Variants in NXPE2 observed in about 807,000 individuals in gnomAD.
NXPE2 encodes neurexophilin and PC-esterase domain family member 2, also known as NXPE family member 2.
Under a neutral mutation model 34.4 loss-of-function variants are expected in NXPE2, and 34 were observed. That is an observed-to-expected ratio of 0.99 (90% CI 0.75 to 1.31). The LOEUF (loss-of-function observed/expected upper bound fraction) is 1.31, where lower values mean the gene tolerates loss of function less well. Ranked by LOEUF, NXPE2 falls within the 40% of genes most tolerant of loss-of-function variation. The probability of loss-of-function intolerance (pLI) is 0.00; values close to 1 mark genes in which losing one functional copy is unlikely to be tolerated. For missense variants in NXPE2, 649 were observed against 672.5 expected, an observed-to-expected ratio of 0.97 and a Z score of 0.39; for synonymous variants, 235 against 231.3, an observed-to-expected ratio of 1.02 and a Z score of -0.15.
intron 2 of NXPE2, among the ~76,000 whole-genome samples, chr11:114,697,235 A>G (rs1405338015): frequency 5.9e-5 from 9 of 152,206 alleles, no homozygotes; most frequent in Admixed American, 5.2e-4. Flanking sequence ...TCCTAAATCC[A>G]GTCACAACTG....
At chr11:114,483,561 T>C in the NXPE2 span, among the ~76,000 whole-genome samples, 3 of 152,188 alleles carry the variant, frequency 2.0e-5, no homozygotes, top group Admixed American at 1.3e-4. Flanking sequence ...GAAAAACACA[T>C]AGAGTTAAAA....
chr11:114,626,118 C>G, the NXPE2 span, among the ~76,000 whole-genome samples: 1 of 152,118 alleles, frequency 6.6e-6, no homozygotes, highest in Non-Finnish European at 1.5e-5. Flanking sequence ...CGCCATTGCC[C>G]AGGCTTGCTT....
the NXPE2 span, among the ~76,000 whole-genome samples, chr11:114,558,322 T>C: frequency 6.6e-6 from 1 of 152,168 alleles, no homozygotes; most frequent in Admixed American, 6.5e-5. Flanking sequence ...TTTATTTTAA[T>C]AGTGCTTTTA....
At chr11:114,625,553 C>T in the NXPE2 span, among the ~76,000 whole-genome samples, 2 of 152,002 alleles carry the variant, frequency 1.3e-5, no homozygotes, top group Non-Finnish European at 2.9e-5. Flanking sequence ...CCACTGTTAC[C>T]CGGTGGATAA....
At chr11:114,747,453 T>C in the NXPE2 span, among the ~76,000 whole-genome samples, 1 of 151,956 alleles carries the variant, frequency 6.6e-6, no homozygotes, top group Non-Finnish European at 1.5e-5. Flanking sequence ...CATGTATTAG[T>C]CCAGTTTTAT....
chr11:114,468,717 G>A, the NXPE2 span, among the ~76,000 whole-genome samples: 1 of 152,138 alleles, frequency 6.6e-6, no homozygotes, highest in Non-Finnish European at 1.5e-5. Flanking sequence ...CCCAAATACA[G>A]TGCCAAGATG....
the NXPE2 span, among the ~76,000 whole-genome samples, chr11:114,719,060 G>A: frequency 2.8e-4 from 42 of 152,260 alleles, no homozygotes; most frequent in East Asian, 7.1e-3. Context: ...AACACTTCCA[G>A]CTTCTCTCCT....
At chr11:114,568,361 T>C in the NXPE2 span, among the ~76,000 whole-genome samples, 1 of 152,136 alleles carries the variant, frequency 6.6e-6, no homozygotes, top group Admixed American at 6.6e-5. Context: ...ACTCTATTAA[T>C]AGAAGAAAGC....
chr11:114,773,317 C>T, the NXPE2 span, among the ~76,000 whole-genome samples: 1 of 135,596 alleles, frequency 7.4e-6, no homozygotes, highest in Non-Finnish European at 1.6e-5. Flanking sequence ...CATAGCTCTT[C>T]CTCTGGGTCT....
the NXPE2 span, among the ~76,000 whole-genome samples, chr11:114,794,606 G>T: frequency 6.6e-6 from 1 of 152,162 alleles, no homozygotes. Context: ...AAACATAGAA[G>T]TTTGGCTGCA....
chr11:114,703,938 T>C, intron 3 of NXPE2, 53 bp from the exon 4 acceptor site: 2 of 1,296,654 alleles, frequency 1.5e-6, no homozygotes, highest in Admixed American at 3.9e-5. Context: ...CAGTGATTCC[T>C]ACTTTATTAT....
At chr11:114,696,785 C>T (rs891845515) in intron 2 of NXPE2, among the ~76,000 whole-genome samples, 30 of 152,246 alleles carry the variant, frequency 2.0e-4, no homozygotes, top group Non-Finnish European at 4.4e-5. Flanking sequence ...AATGTGTCTA[C>T]CTGAAACCCC....
the NXPE2 span, among the ~76,000 whole-genome samples, chr11:114,751,860 G>T: frequency 6.6e-6 from 1 of 152,186 alleles, no homozygotes. Context: ...GGGGGTTAGA[G>T]TCAGAGAAGG....
the NXPE2 span, among the ~76,000 whole-genome samples, chr11:114,519,592 AAAT>A: frequency 3.9e-5 from 6 of 152,166 alleles, no homozygotes; most frequent in African/African-American, 1.4e-4. Flanking sequence ...TCACAGAAGA[AAAT>A]AATTCAATCT....
chr11:114,638,833 T>C, the NXPE2 span, among the ~76,000 whole-genome samples: 1 of 151,836 alleles, frequency 6.6e-6, no homozygotes, highest in Admixed American at 6.6e-5. Context: ...AAGTTTTGTC[T>C]CAGTGGAGTA....
At chr11:114,616,426 A>G in the NXPE2 span, among the ~76,000 whole-genome samples, 1 of 151,764 alleles carries the variant, frequency 6.6e-6, no homozygotes, top group East Asian at 1.9e-4. Flanking sequence ...CTGGTGAATA[A>G]TAAGTGTTGC....
At chr11:114,697,728 A>C (rs1951286029) in intron 2 of NXPE2, among the ~76,000 whole-genome samples, 1 of 152,238 alleles carries the variant, frequency 6.6e-6, no homozygotes, top group Admixed American at 6.5e-5. Flanking sequence ...GGTTTTTAAA[A>C]AGAAAAGTCA....
At chr11:114,725,972 A>ATATATATATATAT in the NXPE2 span, among the ~76,000 whole-genome samples, 19 of 14,258 alleles carry the variant, frequency 1.3e-3, no homozygotes, top group South Asian at 6.8e-3. Flanking sequence ...TATAATAAAA[A>ATATATATATATAT]AAAAATATAT....
chr11:114,542,640 C>T, the NXPE2 span, among the ~76,000 whole-genome samples: 1 of 151,956 alleles, frequency 6.6e-6, no homozygotes, highest in Non-Finnish European at 1.5e-5. Flanking sequence ...AGTAAAAGGA[C>T]ATTACTTCAA....
Sources: allele counts gnomAD v4.1 joint callset (sites outside exome capture counted in the v4.1 genomes callset), GRCh38; gene constraint gnomAD v4.1.1; transcripts MANE v1.5; gene names NCBI Gene and HGNC (gene_info 2026-07-23, HGNC 2026-07-21).